SP3: variants seen among roughly 807,000 people sequenced by gnomAD.
The protein encoded by SP3 is Sp3 transcription factor.
In SP3, 10 loss-of-function variants were observed where a neutral mutation model predicts 70.3. That is an observed-to-expected ratio of 0.14 (90% CI 0.09 to 0.24). The LOEUF (loss-of-function observed/expected upper bound fraction) is 0.24. Among genes scored for constraint, SP3 ranks in the 10% least tolerant of loss-of-function variants. SP3 has a pLI of 1.00. For synonymous variants in SP3, 402 were observed against 333.5 expected (o/e 1.21, Z -2.24); for missense variants, 825 against 914.6 (o/e 0.90, Z 1.26).
Position 173,930,532 on chromosome 2 carries a change from C to CT in SP3, c.1640-11748dup, listed in dbSNP as rs1690038954. On this transcript the variant is annotated intron_variant, in intron 4 of 6. Coordinates refer to ENST00000310015, the MANE Select transcript of SP3 (RefSeq NM_003111.5). ...TAACCAATTATTTTCTAGCTCATCT[C>CT]TTTCTTATAACACCTTGTCAAATGA... is the stretch of plus-strand genomic sequence containing the variant. Among the ~76,000 whole-genome samples the CT allele has an allele frequency of 2.6e-5, 4 of 152,364 alleles. No homozygotes were observed. In the South Asian group the frequency reaches 8.3e-4, roughly 32 times the overall value.
At chr2:173,953,183 G>A (rs1690768087) in intron 4 of SP3, among the ~76,000 whole-genome samples, 1 of 152,236 alleles carries the variant, frequency 6.6e-6, no homozygotes, top group South Asian at 2.1e-4. Flanking sequence ...GCAAGTGCAT[G>A]GTCATGAAGA....
intron 1 of SP3, 74 bp downstream of exon 1, chr2:173,965,091 G>C: frequency 6.5e-7 from 1 of 1,537,874 alleles, no homozygotes; most frequent in Non-Finnish European, 8.8e-7. Flanking sequence ...GGCGGCAGCG[G>C]CCCCGGGCTG....
At chr2:173,924,504 A>G (rs985928562) in intron 4 of SP3, among the ~76,000 whole-genome samples, 15 of 152,194 alleles carry the variant, frequency 9.9e-5, no homozygotes, top group African/African-American at 2.9e-4. Flanking sequence ...GGCTAAACAC[A>G]TAAGATAAGG....
chr2:173,959,741 G>A (rs899440493), intron 3 of SP3, among the ~76,000 whole-genome samples: 28 of 152,214 alleles, frequency 1.8e-4, no homozygotes, highest in Admixed American at 1.2e-3. Flanking sequence ...GTGACAGGGC[G>A]AGACTCAGTC....
rs557488822 is a variant in SP3, at chr2:173,911,882, G to C, written c.2029+1188C>G. ...CACCCAGGCTGCAGTACAGTGGCAT[G>C]ACCTTGGCTCACTGCAACCGCCGCC... On this transcript the variant is annotated intron_variant, in intron 6 of 6. Coordinates refer to ENST00000310015, the MANE Select transcript of SP3 (RefSeq NM_003111.5). Among the ~76,000 whole-genome samples the C allele has an allele frequency of 1.7e-3, 233 of 133,186 alleles. 1 individual carries two copies. The highest frequency in any genetic ancestry group is 6.0e-3 in the African/African-American group (208 of 34,540). The allele number at this position is 133,186 out of a possible 152,430, so 87.4% of individuals were successfully genotyped here. A position where few individuals can be genotyped will look rare whatever the true frequency, so the allele number is the denominator to read the frequency against.
In SP3 at chr2:173,956,214, C is replaced by T; in HGVS notation, c.298G>A (p.Ala100Thr). The change falls in exon 4 of 7, where the codon GCA becomes ACA. Residue 100 changes from alanine (A) to threonine (T), a missense_variant. By Grantham distance (58) the Ala-to-Thr change is moderately conservative. Transcript: ENST00000310015. ...AAGATGDLAS[A>T]QLGGAPNRWE... ...CGGTTTGGTGCTCCTCCTAACTGTG[C>T]AGAAGCCAAATCACCTGTCTGGATG... 1 of 1,601,044 alleles carries T rather than the reference C, an allele frequency of 6.2e-7. No homozygotes were observed. The highest frequency in any genetic ancestry group is 8.5e-7 in the Non-Finnish European group (1 of 1,171,864).
rs1454965122 is a variant in SP3, at chr2:173,905,700, C to T, written c.*4241G>A. ...GGGAAAAAAAAAAACCTTGTATACC[C>T]TTTAGACTCCAGATTTGGCCAAGCG... is the stretch of plus-strand genomic sequence containing the variant. On this transcript the variant is annotated 3_prime_UTR_variant, in exon 7 of 7. Coordinates refer to ENST00000310015, the MANE Select transcript of SP3 (RefSeq NM_003111.5). 6.6e-6 allele frequency among the ~76,000 whole-genome samples: 1 copy of T among 152,054 alleles called. No homozygotes were observed. Among genetic ancestry groups the T allele is most frequent in the Non-Finnish European group, 1.5e-5 (1 of 68,002 alleles).
At chr2:173,917,412 G>T (rs919686265) in intron 5 of SP3, among the ~76,000 whole-genome samples, 1 of 152,072 alleles carries the variant, frequency 6.6e-6, no homozygotes, top group Admixed American at 6.6e-5. Flanking sequence ...TAAGGCTCTG[G>T]AGTAAAACTA....
At chr2:173,943,394 T>C (rs1469703592) in intron 4 of SP3, among the ~76,000 whole-genome samples, 4 of 152,172 alleles carry the variant, frequency 2.6e-5, no homozygotes, top group Admixed American at 1.3e-4. Flanking sequence ...TTCAGATCTG[T>C]AGTTCAATTT....
At chr2:173,957,027 TA>T (rs1690917724) in intron 3 of SP3, among the ~76,000 whole-genome samples, 1 of 152,140 alleles carries the variant, frequency 6.6e-6, no homozygotes, top group African/African-American at 2.4e-5. Context: ...AATGGGACCA[TA>T]AAAATCAGTT....
chr2:173,965,653 C>CT, upstream of SP3: 1 of 180,270 alleles, frequency 5.5e-6, no homozygotes. Flanking sequence ...GCGCTCGGAG[C>CT]AGGCCTAGCC....
At chr2:173,963,203 T>C (rs1361196418) in intron 3 of SP3, 1 of 152,204 alleles carries the variant, frequency 6.6e-6, no homozygotes, top group Non-Finnish European at 1.5e-5. Context: ...ATTTTAGTAG[T>C]CTGCAAAAAC....
chr2:173,919,309 C>T (rs1689686843), intron 4 of SP3, among the ~76,000 whole-genome samples: 1 of 152,208 alleles, frequency 6.6e-6, no homozygotes, highest in Non-Finnish European at 1.5e-5. Context: ...CATTCATACA[C>T]ATCTGGGTAT....
chr2:173,916,300 A>G (rs1689617457), intron 5 of SP3: 1 of 152,094 alleles, frequency 6.6e-6, no homozygotes, highest in African/African-American at 2.4e-5. Context: ...AAAACTTGTA[A>G]TAGCATGGTA....
At chr2:173,933,636 C>CT (rs1256796536) in intron 4 of SP3, among the ~76,000 whole-genome samples, 2 of 32,852 alleles carry the variant, frequency 6.1e-5, no homozygotes, top group African/African-American at 1.1e-4. Flanking sequence ...ATTTATAAAA[C>CT]TTTATATATA....
intron 5 of SP3, chr2:173,913,495 A>C: frequency 6.4e-6 from 2 of 313,258 alleles, no homozygotes; most frequent in Non-Finnish European, 1.2e-5. Flanking sequence ...TGTTGTCCAA[A>C]TGTAAATATG....
At chr2:173,932,398 C>T (rs1690090168) in intron 4 of SP3, among the ~76,000 whole-genome samples, 1 of 152,078 alleles carries the variant, frequency 6.6e-6, no homozygotes, top group African/African-American at 2.4e-5. Context: ...ACCATGTTGG[C>T]CAGGCTGCAC....
At chr2:173,940,118 T>C (rs972735452) in intron 4 of SP3, among the ~76,000 whole-genome samples, 1 of 152,114 alleles carries the variant, frequency 6.6e-6, no homozygotes, top group African/African-American at 2.4e-5. Context: ...TTCAAGCAAT[T>C]CTCCCAGCCT....
chr2:173,919,419 A>G (rs187904126), intron 4 of SP3, among the ~76,000 whole-genome samples: 4 of 152,328 alleles, frequency 2.6e-5, no homozygotes, highest in Non-Finnish European at 4.4e-5. Flanking sequence ...ATAAGTCTTC[A>G]GTACCAGGCA....
Sources: allele counts gnomAD v4.1 joint callset (sites outside exome capture counted in the v4.1 genomes callset), GRCh38; gene constraint gnomAD v4.1.1; transcripts MANE v1.5; gene names NCBI Gene and HGNC (gene_info 2026-07-23, HGNC 2026-07-21).